The following HELZ variants were observed in gnomAD, a reference collection of about 807,000 sequenced individuals.
The protein encoded by HELZ is ATP-dependent RNA helicase with zinc finger domain.
In HELZ, 23 loss-of-function variants were observed where a neutral mutation model predicts 218.2. That is an observed-to-expected ratio of 0.11 (90% CI 0.08 to 0.15). The LOEUF is 0.15. Among genes scored for constraint, HELZ ranks in the 10% least tolerant of loss-of-function variants. The pLI is 1.00. For missense variants in HELZ, 1,813 were observed against 2,353.7 expected (o/e 0.77, Z 4.75); for synonymous variants, 814 against 829.4 (o/e 0.98, Z 0.32).
chr17:67,082,906 G>T (rs1322525784), intron 32 of HELZ, among the ~76,000 whole-genome samples: 2 of 149,112 alleles, frequency 1.3e-5, no homozygotes, highest in African/African-American at 5.0e-5. Flanking sequence ...GCCCAGGCTG[G>T]AGTGCAGTGG....
chr17:67,216,691 T>C (rs1046843831), intron 4 of HELZ, among the ~76,000 whole-genome samples: 1 of 152,092 alleles, frequency 6.6e-6, no homozygotes, highest in Non-Finnish European at 1.5e-5. Context: ...AGGAAGCCAC[T>C]CTCAAGAGAT....
chr17:67,102,676 A>G (rs894846603), intron 31 of HELZ, among the ~76,000 whole-genome samples: 8 of 152,234 alleles, frequency 5.3e-5, no homozygotes, highest in African/African-American at 1.9e-4. Flanking sequence ...ATGCAAAAGC[A>G]TTTTGAACAG....
intron 31 of HELZ, among the ~76,000 whole-genome samples, chr17:67,100,499 T>A (rs1393224026): frequency 6.6e-6 from 1 of 152,152 alleles, no homozygotes; most frequent in Non-Finnish European, 1.5e-5. Context: ...TTTACAAAGA[T>A]GCCTTCAAAA....
chr17:67,210,666 G>A (rs192524402), intron 5 of HELZ, among the ~76,000 whole-genome samples: 18 of 152,258 alleles, frequency 1.2e-4, no homozygotes, highest in Admixed American at 5.9e-4. Context: ...ACTCACACCT[G>A]TAATCCTAGC....
intron 12 of HELZ, among the ~76,000 whole-genome samples, chr17:67,183,988 G>C (rs1335508253): frequency 6.6e-6 from 1 of 151,010 alleles, no homozygotes; most frequent in East Asian, 1.9e-4. Flanking sequence ...GGATGCTTTA[G>C]GTACAGTGAC....
chr17:67,187,537 T>C (rs1450945205), intron 12 of HELZ, among the ~76,000 whole-genome samples: 1 of 152,234 alleles, frequency 6.6e-6, no homozygotes, highest in Non-Finnish European at 1.5e-5. Context: ...TCCTCCACAA[T>C]ATGGTTAGTT....
At position 67,189,669 on chromosome 17, in the gene HELZ, C is replaced by T; in HGVS notation, c.784G>A (p.Val262Ile). The T allele has an allele frequency of 6.2e-7, 1 of 1,612,590 alleles. No homozygotes were observed. Among genetic ancestry groups the T allele is most frequent in the Non-Finnish European group, 8.5e-7 (1 of 1,178,734 alleles). Residue 262 changes from valine to isoleucine, a missense_variant, in exon 11 of 33, where the codon GTA becomes ATA. Physicochemically the swap from Val to Ile is conservative, Grantham distance 29. Transcript: ENST00000358691. ...VLSECIEGVKVEHNPDLSVTV... is the reference protein window; with the variant it reads ...VLSECIEGVKIEHNPDLSVTV... ...ACTGACAGGTCAGGATTGTGCTCTACCTTTACTCCTTCTATACATTCACTA... is the reference window on the plus strand; with the variant it reads ...ACTGACAGGTCAGGATTGTGCTCTATCTTTACTCCTTCTATACATTCACTA...
intron 1 of HELZ, chr17:67,244,075 T>A (rs2041398524): frequency 1.4e-6 from 1 of 733,084 alleles, no homozygotes; most frequent in Non-Finnish European, 1.7e-6. Flanking sequence ...CATAATAAAA[T>A]CATCTTTTTC....
At chr17:67,174,328 A>C (rs2039393185) in intron 13 of HELZ, among the ~76,000 whole-genome samples, 1 of 152,154 alleles carries the variant, frequency 6.6e-6, no homozygotes, top group Non-Finnish European at 1.5e-5. Flanking sequence ...TAAAAGGCAC[A>C]GTCTGATGGG....
Position 67,232,175 on chromosome 17 carries a change from G to A in HELZ, c.-19+7258C>T, listed in dbSNP as rs146631102. Among the ~76,000 whole-genome samples, 613 of 148,192 alleles carry A rather than the reference G, an allele frequency of 4.1e-3. 3 individuals carry two copies. The highest frequency in any genetic ancestry group is 0.014 in the African/African-American group (554 of 39,892). On this transcript the variant is annotated intron_variant, in intron 3 of 32. Transcript: ENST00000358691. ...TTTTTTTTTTTCGAGATAGAGCCTC[G>A]CTCTGTCACCCAGGCTAGAGTGCAG...
At chr17:67,244,922 G>C (rs2041437149) in intron 1 of HELZ, 1 of 985,882 alleles carries the variant, frequency 1.0e-6, no homozygotes, top group African/African-American at 1.7e-5. Flanking sequence ...GGAGGGGAAG[G>C]GGACTAAGTA....
intron 24 of HELZ, among the ~76,000 whole-genome samples, chr17:67,125,318 A>G (rs1380843222): frequency 1.2e-4 from 5 of 40,602 alleles, no homozygotes; most frequent in Non-Finnish European, 2.7e-4. Flanking sequence ...ATATATATAT[A>G]TATATATATA....
Position 67,188,383 on chromosome 17 carries a change from A to C in HELZ, c.1098T>G (p.Val366=). 6.2e-7 allele frequency: 1 copy of C among 1,613,916 alleles called. No homozygotes were observed. The change falls in exon 12 of 33, where the codon GTT becomes GTG. Residue 366 remains valine (V), a synonymous_variant. Coordinates refer to ENST00000358691, the MANE Select transcript of HELZ (RefSeq NM_014877.4). This position sits in a 1 kb window ranked among gnomAD's most constrained non-coding sequence, Gnocchi z 4.1. Reference sequence around the variant, plus strand: ...GTACTGGTTCCAATCCAAAGTCGAAAACTATGGTTTGGCGAAAAGTTCCAA... The same window carrying C: ...GTACTGGTTCCAATCCAAAGTCGAACACTATGGTTTGGCGAAAAGTTCCAA... ...EIFGTFRQTI[V]FDFGLEPVLM...
chr17:67,126,026 C>T (rs906484320), intron 24 of HELZ, among the ~76,000 whole-genome samples: 11 of 152,184 alleles, frequency 7.2e-5, no homozygotes, highest in African/African-American at 2.7e-4. Flanking sequence ...AGTCCTATAA[C>T]CACAGGGAAC....
At chr17:67,245,274 C>A, upstream of HELZ, 1 of 944,722 alleles carries the variant, frequency 1.1e-6, no homozygotes. Context: ...GCCGGCGCCG[C>A]CCCCTCCGGC....
intron 3 of HELZ, among the ~76,000 whole-genome samples, chr17:67,233,073 G>C (rs969937103): frequency 3.9e-5 from 6 of 152,376 alleles, no homozygotes; most frequent in East Asian, 1.9e-4. Flanking sequence ...GGCAGAGGTT[G>C]CAGTGAGTCG....
rs985876207 is a variant in HELZ at position 67,145,850 on chromosome 17, T to G, written c.2662A>C (p.Ser888Arg). The stretch of plus-strand genomic sequence containing the variant: ...TCTTTGTGTGCTGGCTGCTTCCCAC[T>G]GGCCATCAGTTTGCCCTCATAGAAA... ...ELFYEGKLMA[S>R]GKQPAHKDFY... Residue 888 changes from serine to arginine, a missense_variant, in exon 21 of 33, where the codon AGT (serine) becomes CGT (arginine). This residue lies in a region of HELZ where 156 missense variants were observed against 274.4 expected (regional missense o/e 0.57). Transcript: ENST00000358691. The G allele has an allele frequency of 1.9e-6, 3 of 1,613,730 alleles. No homozygotes were observed. The African/African-American group carries it at 4.0e-5, about 22-fold the overall frequency.
intron 3 of HELZ, among the ~76,000 whole-genome samples, chr17:67,237,142 C>A (rs2041205147): frequency 6.6e-6 from 1 of 152,038 alleles, no homozygotes; most frequent in Non-Finnish European, 1.5e-5. Flanking sequence ...GAATTCGAGA[C>A]CAGTCTGACC....
In HELZ at chr17:67,109,290, G is replaced by T. The variant is rs769150485; in HGVS notation, c.4315C>A (p.Arg1439=). ...GCTTCTGCAGGAGGAGACTGTGGCC[G>T]ATGAGCAACTGCACTATTAAAAAAA... ...NAFFNSAVAH[R]PQSPPAEAVI... is the part of the protein sequence containing the mutation. Residue 1439 remains arginine (R), a synonymous_variant, in exon 29 of 33, where the codon CGG becomes AGG. Transcript: ENST00000358691. 6.2e-7 allele frequency: 1 copy of T among 1,614,122 alleles called. No individual in the cohort carries two copies. The highest frequency in any genetic ancestry group is 1.1e-5 in the South Asian group (1 of 91,076).
Sources: gnomAD v4.1 joint callset for allele counts (sites outside exome capture counted in the v4.1 genomes callset) on GRCh38, gnomAD v4.1.1 for gene constraint, gnomAD v4.1.1 regional missense constraint, Gnocchi (gnomAD v3.1) non-coding constraint, MANE v1.5 for transcripts, NCBI Gene and HGNC (gene_info 2026-07-23, HGNC 2026-07-21) for gene names.